The following TASOR variants were observed in gnomAD, a reference collection of about 807,000 sequenced individuals.
TASOR encodes transcription activation suppressor, also known as protein TASOR.
Under a neutral mutation model 178.6 loss-of-function variants are expected in TASOR, and 53 were observed. The observed-to-expected ratio is 0.30, with a 90% CI of 0.24 to 0.37. The LOEUF is 0.37. Among genes scored for constraint, TASOR ranks in the 10% least tolerant of loss-of-function variants. The pLI, the probability that TASOR is intolerant of heterozygous loss-of-function variation, is 1.00. For missense variants in TASOR, 1,815 were observed against 1,971.4 expected (o/e 0.92, Z 1.50); for synonymous variants, 713 against 696.2 (o/e 1.02, Z -0.38).
chr3:56,674,615 G>C (rs2031108104), intron 1 of TASOR, among the ~76,000 whole-genome samples: 1 of 152,168 alleles, frequency 6.6e-6, no homozygotes, highest in South Asian at 2.1e-4. Flanking sequence ...GAAAACATGT[G>C]GGGCTTTAGA....
chr3:56,677,432 A>T (rs2031402129), intron 1 of TASOR, among the ~76,000 whole-genome samples: 1 of 152,180 alleles, frequency 6.6e-6, no homozygotes, highest in Non-Finnish European at 1.5e-5. Context: ...ATATCATCTC[A>T]ATCATCAAAA....
rs922826608 is a variant in TASOR, at chr3:56,666,249, C to G, written c.1022+11G>C. On this transcript the variant is annotated intron_variant, in intron 7 of 23. Coordinates refer to ENST00000683822, the MANE Select transcript of TASOR (RefSeq NM_001365635.2). ...TCACTGCGGATGATGTCTAAAACTCCTAAGTCTTACCTTGATGAAGGTACA... is the reference window on the plus strand; with the variant it reads ...TCACTGCGGATGATGTCTAAAACTCGTAAGTCTTACCTTGATGAAGGTACA... The G allele has an allele frequency of 1.3e-6, 2 of 1,528,628 alleles. No homozygotes were observed. Among genetic ancestry groups the G allele is most frequent in the African/African-American group, 2.8e-5 (2 of 71,922 alleles). 94.7% of individuals were successfully genotyped at this position (1,528,628 alleles called of 1,614,324 possible). A position where few individuals can be genotyped will look rare whatever the true frequency, so the allele number is the denominator to read the frequency against.
rs563364257 is a variant in TASOR at position 56,623,336 on chromosome 3, T to C, written c.4714A>G (p.Thr1572Ala). The change falls in exon 24 of 24, where the codon ACT becomes GCT. Residue 1572 changes from threonine to alanine, a missense_variant. Transcript: ENST00000683822. The stretch of plus-strand genomic sequence containing the variant: ...TCAGAGCATACTATATCAATAGAAG[T>C]TCTCTCTTCAGAATCAAGGTAAGTC... ...DKTYLDSEERTSIDIVCSEGE... is the reference protein window; with the variant it reads ...DKTYLDSEERASIDIVCSEGE... 1 of 1,613,612 alleles carries C rather than the reference T, an allele frequency of 6.2e-7. No homozygotes were observed.
At chr3:56,626,214 A>G (rs2076796136) in intron 21 of TASOR, among the ~76,000 whole-genome samples, 1 of 152,230 alleles carries the variant, frequency 6.6e-6, no homozygotes, top group South Asian at 2.1e-4. Flanking sequence ...CCTGATTACC[A>G]TAATCATTTA....
intron 17 of TASOR, among the ~76,000 whole-genome samples, chr3:56,635,791 G>T (rs2077004164): frequency 6.6e-6 from 1 of 152,054 alleles, no homozygotes; most frequent in Admixed American, 6.6e-5. Flanking sequence ...TACTTTAAAT[G>T]CAACAGTGGC....
chr3:56,629,996 C>T (rs566129649), intron 18 of TASOR, among the ~76,000 whole-genome samples: 3 of 148,284 alleles, frequency 2.0e-5, no homozygotes, highest in South Asian at 2.1e-4. Flanking sequence ...GATGGAGTCT[C>T]GCTCTGTCAC....
At chr3:56,661,776 A>T (rs975059181) in intron 9 of TASOR, among the ~76,000 whole-genome samples, 1 of 152,232 alleles carries the variant, frequency 6.6e-6, no homozygotes, top group African/African-American at 2.4e-5. Context: ...TACATAAAAA[A>T]ATATATCTAC....
intron 14 of TASOR, among the ~76,000 whole-genome samples, chr3:56,646,004 C>T (rs1395422744): frequency 6.6e-6 from 1 of 151,936 alleles, no homozygotes. Context: ...AAAAATTAGC[C>T]GGGCATGGTG....
rs746655012 is a variant in TASOR at position 56,622,997 on chromosome 3, C to T, written c.*40G>A. The stretch of plus-strand genomic sequence containing the variant: ...GAATGAAATATAAATTGTTAATAAA[C>T]AAAGTCCACAACAATCTCTTAAAAA... On this transcript the variant is annotated 3_prime_UTR_variant, in exon 24 of 24. Transcript: ENST00000683822. 2.7e-5 allele frequency: 34 copies of T among 1,279,472 alleles called. No individual in the cohort carries two copies. The highest frequency in any genetic ancestry group is 1.0e-4 in the Admixed American group (4 of 38,326). The allele number at this position is 1,279,472 out of a possible 1,614,324, so 79.3% of individuals were successfully genotyped here.
chr3:56,650,806 G>A (rs1224701991), intron 11 of TASOR, among the ~76,000 whole-genome samples: 1 of 152,164 alleles, frequency 6.6e-6, no homozygotes, highest in African/African-American at 2.4e-5. Context: ...ACCATTTATA[G>A]CCACGCTAAG....
rs1331223491 is a variant in TASOR at position 56,669,732 on chromosome 3, T to C, written c.703A>G (p.Met235Val). Residue 235 changes from methionine (M) to valine (V), a missense_variant, in exon 5 of 24, where the codon ATG becomes GTG. Physicochemically the swap from Met to Val is conservative, Grantham distance 21 (BLOSUM62 1). Transcript: ENST00000683822. ...ATTTTAAAAATAACAACATCACCCA[T>C]TGCCCCCGTGTCCAAAGGATTCGCT... The part of the protein sequence containing the change: ...LQANPLDTGA[M>V]GDVVIFKIMK... 2.3e-5 allele frequency: 36 copies of C among 1,549,334 alleles called. 1 individual carries two copies. Among genetic ancestry groups the C allele is most frequent in the Non-Finnish European group, 2.7e-5 (31 of 1,145,764 alleles).
chr3:56,671,754 T>G, intron 2 of TASOR, 62 bp from the exon 3 acceptor site: 4 of 1,290,010 alleles, frequency 3.1e-6, no homozygotes, highest in Non-Finnish European at 4.3e-6. Context: ...AAGCTACAAG[T>G]TTTATTTTTT....
intron 9 of TASOR, 40 bp from the exon 10 acceptor site, chr3:56,661,057 T>A (rs2077583376): frequency 7.3e-7 from 1 of 1,367,776 alleles, no homozygotes; most frequent in African/African-American, 1.4e-5. Context: ...CTTATCTGTA[T>A]TTTCAACTCT....
intron 6 of TASOR, among the ~76,000 whole-genome samples, chr3:56,666,770 T>C (rs183436707): frequency 6.6e-6 from 1 of 152,332 alleles, no homozygotes; most frequent in African/African-American, 2.4e-5. Flanking sequence ...ATGGTTTTGC[T>C]ATTTCAAAAG....
At chr3:56,671,296 G>GCCA (rs2030710018) in intron 3 of TASOR, 1 of 196,242 alleles carries the variant, frequency 5.1e-6, no homozygotes, top group Admixed American at 5.9e-5. Context: ...CCAAGATCAC[G>GCCA]CCACTGCACT....
At chr3:56,664,465 C>A (rs1240223700) in intron 7 of TASOR, 2 of 152,220 alleles carry the variant, frequency 1.3e-5, no homozygotes, top group South Asian at 2.1e-4. Flanking sequence ...CCACAACTGT[C>A]TGGATACTAT....
chr3:56,661,851 G>A (rs1353433348), intron 9 of TASOR, among the ~76,000 whole-genome samples: 2 of 152,102 alleles, frequency 1.3e-5, no homozygotes, highest in South Asian at 2.1e-4. Flanking sequence ...TAGGCTGGGC[G>A]TGGTAGCTCA....
intron 5 of TASOR, 140 bp from the exon 6 acceptor site, chr3:56,668,698 G>A: frequency 2.9e-6 from 2 of 680,756 alleles, no homozygotes; most frequent in Non-Finnish European, 4.7e-6. Context: ...GAACAGCTGG[G>A]CGCGGTGACT....
At chr3:56,644,947 T>C (rs2077204939) in intron 14 of TASOR, among the ~76,000 whole-genome samples, 1 of 152,208 alleles carries the variant, frequency 6.6e-6, no homozygotes, top group South Asian at 2.1e-4. Context: ...GGCTAGTGGC[T>C]ACCACATTGA....
Sources: gnomAD v4.1 joint callset for allele counts (sites outside exome capture counted in the v4.1 genomes callset) on GRCh38, gnomAD v4.1.1 for gene constraint, MANE v1.5 for transcripts, NCBI Gene and HGNC (gene_info 2026-07-23, HGNC 2026-07-21) for gene names.